L3MBTL4: variants seen among roughly 807,000 people sequenced by gnomAD.
The protein encoded by L3MBTL4 is L3MBTL histone methyl-lysine binding protein 4.
In L3MBTL4, 70 loss-of-function variants were observed where a neutral mutation model predicts 84.5. The observed-to-expected ratio is 0.83, with a 90% CI of 0.68 to 1.01. L3MBTL4 has a LOEUF of 1.01. Among genes scored for constraint, L3MBTL4 ranks in the 50% least tolerant of loss-of-function variants. The pLI, the probability that L3MBTL4 is intolerant of heterozygous loss-of-function variation, is 0.00. For synonymous variants in L3MBTL4, 274 were observed against 259.8 expected, an observed-to-expected ratio of 1.05 and a Z score of -0.52; for missense variants, 715 against 754.8, an observed-to-expected ratio of 0.95 and a Z score of 0.62.
chr18:6,083,287 G>A (rs149677706), intron 15 of L3MBTL4, among the ~76,000 whole-genome samples: 11 of 152,166 alleles, frequency 7.2e-5, no homozygotes, highest in African/African-American at 2.2e-4. Flanking sequence ...CAAAAGTCTC[G>A]AGAATTAGGG....
chr18:6,129,814 T>A (rs1447973465), intron 14 of L3MBTL4, among the ~76,000 whole-genome samples: 1 of 152,202 alleles, frequency 6.6e-6, no homozygotes, highest in East Asian at 1.9e-4. Flanking sequence ...GGCCTAACGG[T>A]AGAGTTTTGA....
chr18:6,163,246 G>C (rs565992912), intron 13 of L3MBTL4, among the ~76,000 whole-genome samples: 1 of 129,294 alleles, frequency 7.7e-6, no homozygotes, highest in Non-Finnish European at 1.6e-5. Flanking sequence ...GTTTGTCTAC[G>C]GGTGTGTGTG....
At chr18:6,098,230 AG>A (rs2058702948) in intron 14 of L3MBTL4, among the ~76,000 whole-genome samples, 1 of 152,204 alleles carries the variant, frequency 6.6e-6, no homozygotes, top group Non-Finnish European at 1.5e-5. Flanking sequence ...GACAGTTCAC[AG>A]CAGGAGGTTA....
chr18:6,325,795 A>G (rs1416774096), intron 1 of L3MBTL4, among the ~76,000 whole-genome samples: 1 of 152,216 alleles, frequency 6.6e-6, no homozygotes, highest in Non-Finnish European at 1.5e-5. Flanking sequence ...AAGATTTCTT[A>G]AAGTCCTTTG....
chr18:6,198,096 T>C lies in L3MBTL4; in HGVS notation c.981+15053A>G, dbSNP rs1054133318. Reference sequence around the variant, plus strand: ...AAATATTGCTTTCATCTTTCTTCAGTCTCTCCTTGTGGGTATTTTACTGCT... The same window carrying C: ...AAATATTGCTTTCATCTTTCTTCAGCCTCTCCTTGTGGGTATTTTACTGCT... On this transcript the variant is annotated intron_variant, in intron 12 of 18. Coordinates refer to ENST00000317931, the MANE Select transcript of L3MBTL4 (RefSeq NM_001330559.2). Among the ~76,000 whole-genome samples the C allele has an allele frequency of 2.6e-5, 4 of 152,330 alleles. No individual in the cohort carries two copies. In the East Asian group the frequency reaches 7.7e-4, roughly 29 times the overall value.
At position 6,032,511 on chromosome 18, in the gene L3MBTL4, G is replaced by T. The variant is rs557189015; in HGVS notation, c.1444+48370C>A. Among the ~76,000 whole-genome samples the T allele has an allele frequency of 1.3e-4, 19 of 151,832 alleles. 3 individuals are homozygous for T. The highest frequency in any genetic ancestry group is 4.6e-4 in the African/African-American group (19 of 41,422). The stretch of plus-strand genomic sequence containing the variant: ...ATCAGCACATGGGGTCCTTTGTACT[G>T]TACTGTTGAATTGTTTTTTATCCTG... On this transcript the variant is annotated intron_variant, in intron 16 of 18. Coordinates refer to ENST00000317931, the MANE Select transcript of L3MBTL4 (RefSeq NM_001330559.2).
intron 13 of L3MBTL4, among the ~76,000 whole-genome samples, chr18:6,169,726 C>T (rs1333922582): frequency 1.3e-5 from 2 of 151,158 alleles, no homozygotes; most frequent in African/African-American, 4.9e-5. Context: ...ATACCTAATG[C>T]TAAATGGCGA....
chr18:6,078,145 G>T (rs1260920884), intron 16 of L3MBTL4, among the ~76,000 whole-genome samples: 1 of 149,118 alleles, frequency 6.7e-6, no homozygotes, highest in African/African-American at 2.5e-5. Flanking sequence ...CAGGGGAAAA[G>T]GCTGGGTGCA....
In L3MBTL4 at chr18:6,177,956, G is replaced by T. The variant is rs552463141; in HGVS notation, c.982-6014C>A. Among the ~76,000 whole-genome samples the T allele has an allele frequency of 1.4e-3, 209 of 152,204 alleles. 2 individuals are homozygous for T. Among genetic ancestry groups the T allele is most frequent in the Non-Finnish European group, 2.5e-3 (173 of 67,994 alleles). On this transcript the variant is annotated intron_variant, in intron 12 of 18. Transcript: ENST00000317931. ...GGTGCAATTTTTTTATGTTTCAAAA[G>T]CAAGGAAGTTGTGTCAAAGCACAAA...
At chr18:5,976,156 G>A (rs1217810670) in intron 16 of L3MBTL4, among the ~76,000 whole-genome samples, 2 of 152,170 alleles carry the variant, frequency 1.3e-5, no homozygotes, top group African/African-American at 4.8e-5. Context: ...AATGTGAAGC[G>A]TGCAAACTGA....
intron 13 of L3MBTL4, among the ~76,000 whole-genome samples, chr18:6,152,217 A>T (rs184395878): frequency 3.3e-5 from 5 of 152,314 alleles, no homozygotes; most frequent in South Asian, 4.1e-4. Flanking sequence ...TCTTAGAGAT[A>T]CTTATTTCAT....
intron 12 of L3MBTL4, among the ~76,000 whole-genome samples, chr18:6,206,529 C>T (rs1214069677): frequency 2.0e-5 from 3 of 152,192 alleles, no homozygotes; most frequent in Admixed American, 6.5e-5. Flanking sequence ...CTAGAGTAGG[C>T]GCCAATTCAT....
chr18:6,383,554 G>A (rs2054687928), intron 1 of L3MBTL4, among the ~76,000 whole-genome samples: 1 of 152,170 alleles, frequency 6.6e-6, no homozygotes, highest in African/African-American at 2.4e-5. Flanking sequence ...CTTCCCTTGG[G>A]TAGAGGAGAA....
At chr18:6,328,309 G>A (rs2051833934) in intron 1 of L3MBTL4, among the ~76,000 whole-genome samples, 1 of 152,226 alleles carries the variant, frequency 6.6e-6, no homozygotes, top group African/African-American at 2.4e-5. Flanking sequence ...CTAAGCTCAT[G>A]TGACTAGCTG....
At chr18:6,071,761 A>AAAAAGAAAGAAAGAAAG (rs2057637867) in intron 16 of L3MBTL4, among the ~76,000 whole-genome samples, 1 of 92,156 alleles carries the variant, frequency 1.1e-5, no homozygotes, top group African/African-American at 4.2e-5. Flanking sequence ...AAGAAAGAAA[A>AAAAAGAAAGAAAGAAAG]AAAGAAAGAA....
rs34169311 is a variant in L3MBTL4, at chr18:6,369,048, T to TAAAA, written c.-91+45749_-91+45752dup. Among the ~76,000 whole-genome samples, 564 of 138,254 alleles carry TAAAA rather than the reference T, an allele frequency of 4.1e-3. 4 individuals are homozygous for TAAAA. The highest frequency in any genetic ancestry group is 0.022 in the Middle Eastern group (6 of 274). 90.7% of individuals were successfully genotyped at this position (138,254 alleles called of 152,430 possible). A position where few individuals can be genotyped will look rare whatever the true frequency, so the allele number is the denominator to read the frequency against. On this transcript the variant is annotated intron_variant, in intron 1 of 18. Transcript: ENST00000317931. ...CACAGACAGACTCGGTCTCAAAAAT[T>TAAAA]AAAAAAAAAAAAAAAGTCAATGCCT... is the stretch of plus-strand genomic sequence containing the variant.
In L3MBTL4 at chr18:6,081,859, A is replaced by G. The variant is rs147629689; in HGVS notation, c.1374-908T>C. Among the ~76,000 whole-genome samples the G allele has an allele frequency of 3.0e-3, 459 of 152,350 alleles. 6 individuals are homozygous for G. Among genetic ancestry groups the G allele is most frequent in the African/African-American group, 0.01 (435 of 41,588 alleles). ...AAGTATATCATGGCAGAAATGTTCT[A>G]TCAGTTAGAGATCTCTTAATCATCA... On this transcript the variant is annotated intron_variant, in intron 15 of 18. Transcript: ENST00000317931.
At chr18:6,062,011 CTG>C (rs1373776856) in intron 16 of L3MBTL4, among the ~76,000 whole-genome samples, 1 of 151,904 alleles carries the variant, frequency 6.6e-6, no homozygotes, top group African/African-American at 2.4e-5. Context: ...GTTGAACAAA[CTG>C]TTATCAATTA....
chr18:6,382,815 C>G (rs892011974), intron 1 of L3MBTL4, among the ~76,000 whole-genome samples: 2 of 152,206 alleles, frequency 1.3e-5, no homozygotes, highest in Non-Finnish European at 2.9e-5. Context: ...AGGAGGCAGT[C>G]TGACCCTTAG....
Sources: allele counts gnomAD v4.1 joint callset (sites outside exome capture counted in the v4.1 genomes callset), GRCh38; gene constraint gnomAD v4.1.1; transcripts MANE v1.5; gene names NCBI Gene and HGNC (gene_info 2026-07-23, HGNC 2026-07-21).